EXOC4: variants seen among roughly 807,000 people sequenced by gnomAD.
EXOC4 encodes SEC8-like 1.
In EXOC4, 71 loss-of-function variants were observed where a neutral mutation model predicts 107.2. The observed-to-expected ratio is 0.66, with a 90% CI of 0.55 to 0.81. The LOEUF is 0.81. EXOC4 is among the 30% of genes least tolerant of loss of function. The probability of loss-of-function intolerance (pLI) is 0.00; values close to 1 mark genes in which losing one functional copy is unlikely to be tolerated. For synonymous variants in EXOC4, 456 were observed against 441.2 expected (o/e 1.03, Z -0.42); for missense variants, 1,108 against 1,189.6 (o/e 0.93, Z 1.01).
At chr7:133,934,826 G>A (rs2116714070) in intron 13 of EXOC4, among the ~76,000 whole-genome samples, 1 of 151,924 alleles carries the variant, frequency 6.6e-6, no homozygotes, top group African/African-American at 2.4e-5. Flanking sequence ...TGACAGCCAA[G>A]GGAAATACTG....
chr7:133,791,517 T>C (rs1026375296), intron 10 of EXOC4, among the ~76,000 whole-genome samples: 1 of 152,228 alleles, frequency 6.6e-6, no homozygotes, highest in South Asian at 2.1e-4. Flanking sequence ...GAAGTTCTTT[T>C]GGCAGTTATA....
At chr7:133,731,118 A>C (rs1417905932) in intron 10 of EXOC4, among the ~76,000 whole-genome samples, 1 of 152,168 alleles carries the variant, frequency 6.6e-6, no homozygotes, top group Non-Finnish European at 1.5e-5. Flanking sequence ...GTTTTGCACA[A>C]TATTTCAATG....
intron 10 of EXOC4, among the ~76,000 whole-genome samples, chr7:133,792,625 T>G (rs1187124390): frequency 8.8e-6 from 1 of 113,474 alleles, no homozygotes. Flanking sequence ...AACTAAGGCA[T>G]TTTCATTTTT....
At chr7:133,285,004 G>GT (rs1794242678) in intron 2 of EXOC4, among the ~76,000 whole-genome samples, 1 of 152,052 alleles carries the variant, frequency 6.6e-6, no homozygotes, top group South Asian at 2.1e-4. Flanking sequence ...CTTGTGCTGT[G>GT]TTTTTTATTT....
At chr7:134,066,465 CT>C, downstream of EXOC4, 1 of 152,322 alleles carries the variant, frequency 6.6e-6, no homozygotes, top group South Asian at 2.1e-4. Context: ...AGTGAAATCT[CT>C]GCTTTGCTTA....
chr7:133,386,362 C>T (rs1355389089), intron 7 of EXOC4, among the ~76,000 whole-genome samples: 3 of 152,174 alleles, frequency 2.0e-5, no homozygotes, highest in Non-Finnish European at 2.9e-5. Flanking sequence ...GCTGTGACTT[C>T]CTCTCTCCCT....
chr7:133,462,021 A>G (rs1001543367), intron 7 of EXOC4, among the ~76,000 whole-genome samples: 2 of 152,194 alleles, frequency 1.3e-5, no homozygotes, highest in South Asian at 2.1e-4. Flanking sequence ...TTTTTACACA[A>G]TATGCTTATT....
intron 13 of EXOC4, among the ~76,000 whole-genome samples, chr7:133,922,469 T>G (rs893163281): frequency 6.6e-6 from 1 of 152,192 alleles, no homozygotes; most frequent in Admixed American, 6.5e-5. Flanking sequence ...GTGAGCAAGA[T>G]TCATCCATAT....
chr7:133,423,821 C>G (rs917335461), intron 7 of EXOC4, among the ~76,000 whole-genome samples: 1 of 152,090 alleles, frequency 6.6e-6, no homozygotes, highest in African/African-American at 2.4e-5. Context: ...GGCACGAGCT[C>G]GGAGGGCCCG....
intron 7 of EXOC4, among the ~76,000 whole-genome samples, chr7:133,431,264 A>G (rs1797850763): frequency 6.6e-6 from 1 of 152,190 alleles, no homozygotes; most frequent in Admixed American, 6.5e-5. Context: ...GTTTATTGAC[A>G]TTTAATGAGT....
At chr7:133,572,643 A>G (rs143785709) in intron 9 of EXOC4, among the ~76,000 whole-genome samples, 143 of 152,338 alleles carry the variant, frequency 9.4e-4, no homozygotes, top group African/African-American at 3.2e-3. Flanking sequence ...AATTCCTTCC[A>G]GCATAACAAA....
At chr7:133,879,142 C>A (rs1025957893) in intron 11 of EXOC4, among the ~76,000 whole-genome samples, 7 of 152,042 alleles carry the variant, frequency 4.6e-5, no homozygotes, top group Admixed American at 4.6e-4. Context: ...GTCGCTCTGT[C>A]GCCAGGCTTG....
intron 17 of EXOC4, among the ~76,000 whole-genome samples, chr7:134,053,618 T>C (rs1372886246): frequency 2.0e-5 from 3 of 150,526 alleles, no homozygotes; most frequent in African/African-American, 7.3e-5. Flanking sequence ...TATTTTTTAG[T>C]TGGAGATGAA....
At chr7:134,061,464 A>G (rs962105968) in intron 17 of EXOC4, among the ~76,000 whole-genome samples, 9 of 152,176 alleles carry the variant, frequency 5.9e-5, no homozygotes, top group African/African-American at 2.2e-4. Context: ...TAAGAAGCAC[A>G]TATCTGGGGA....
At chr7:133,359,410 G>T (rs1796091722) in intron 6 of EXOC4, among the ~76,000 whole-genome samples, 1 of 152,128 alleles carries the variant, frequency 6.6e-6, no homozygotes, top group Non-Finnish European at 1.5e-5. Flanking sequence ...ATTTATTTCA[G>T]AGAGAAGTAA....
At chr7:133,289,223 C>A in intron 3 of EXOC4, 107 bp downstream of exon 3, 1 of 929,450 alleles carries the variant, frequency 1.1e-6, no homozygotes, top group Non-Finnish European at 1.6e-6. Flanking sequence ...AAACTGCCCT[C>A]TTGGGATTCA....
intron 5 of EXOC4, among the ~76,000 whole-genome samples, chr7:133,337,727 A>G (rs1795552520): frequency 7.1e-6 from 1 of 141,304 alleles, no homozygotes; most frequent in African/African-American, 2.7e-5. Context: ...TCAACCTTCC[A>G]GGCTTAGTTG....
chr7:133,928,241 G>T (rs1400898951), intron 13 of EXOC4, among the ~76,000 whole-genome samples: 1 of 152,184 alleles, frequency 6.6e-6, no homozygotes, highest in Non-Finnish European at 1.5e-5. Context: ...AAGTCAGGCT[G>T]GCAGTGGTCA....
At chr7:133,886,801 C>T (rs1426671331) in intron 11 of EXOC4, among the ~76,000 whole-genome samples, 1 of 152,100 alleles carries the variant, frequency 6.6e-6, no homozygotes, top group Non-Finnish European at 1.5e-5. Context: ...CAGGATTGAC[C>T]TTGTTAGAAA....
Sources: gnomAD v4.1 joint callset for allele counts (sites outside exome capture counted in the v4.1 genomes callset) on GRCh38, gnomAD v4.1.1 for gene constraint, MANE v1.5 for transcripts, NCBI Gene and HGNC (gene_info 2026-07-23, HGNC 2026-07-21) for gene names.